The following PTPRD variants were observed in gnomAD, a reference collection of about 807,000 sequenced individuals.
PTPRD encodes the protein protein tyrosine phosphatase receptor type D.
Under a neutral mutation model 214.5 loss-of-function variants are expected in PTPRD, and 34 were observed. The ratio of observed to expected loss-of-function variants is 0.16; its 90% CI spans 0.12 to 0.21. PTPRD has a LOEUF of 0.21. Ranked by LOEUF, PTPRD falls within the 10% of genes least tolerant of loss-of-function variation. The pLI, the probability that PTPRD is intolerant of heterozygous loss-of-function variation, is 1.00. For missense variants in PTPRD, 2,545 were observed against 2,398.7 expected, an observed-to-expected ratio of 1.06 and a Z score of -1.27; for synonymous variants, 1,128 against 845.7, an observed-to-expected ratio of 1.33 and a Z score of -5.79.
chr9:8,505,178 A>G (rs2137297842), intron 22 of PTPRD, among the ~76,000 whole-genome samples: 1 of 152,318 alleles, frequency 6.6e-6, no homozygotes, highest in East Asian at 1.9e-4. Flanking sequence ...TTTGTCATTT[A>G]GCAAAAATAT....
At chr9:8,824,315 T>C (rs1053494740) in intron 11 of PTPRD, among the ~76,000 whole-genome samples, 2 of 152,162 alleles carry the variant, frequency 1.3e-5, no homozygotes, top group African/African-American at 4.8e-5. Context: ...GAACCTTTGA[T>C]CCTAAGGGTT....
intron 39 of PTPRD, among the ~76,000 whole-genome samples, chr9:8,347,782 A>C (rs2074286371): frequency 6.6e-6 from 1 of 152,164 alleles, no homozygotes; most frequent in Non-Finnish European, 1.5e-5. Flanking sequence ...CTATGCATAC[A>C]CAGAGGAAAG....
At chr9:10,534,419 G>A (rs1310864640) in intron 2 of PTPRD, among the ~76,000 whole-genome samples, 1 of 151,902 alleles carries the variant, frequency 6.6e-6, no homozygotes, top group Non-Finnish European at 1.5e-5. Context: ...TGTGACCAAA[G>A]TTTACTTTAA....
intron 7 of PTPRD, among the ~76,000 whole-genome samples, chr9:9,640,857 A>G (rs1055055319): frequency 6.6e-6 from 1 of 152,226 alleles, no homozygotes; most frequent in African/African-American, 2.4e-5. Context: ...ATTGTAAATA[A>G]CGGATACTTA....
At chr9:9,999,810 T>G (rs1010127727) in intron 4 of PTPRD, among the ~76,000 whole-genome samples, 5 of 152,214 alleles carry the variant, frequency 3.3e-5, no homozygotes, top group African/African-American at 1.2e-4. Context: ...GACGGGACTT[T>G]TTACCGAAGG....
intron 6 of PTPRD, among the ~76,000 whole-genome samples, chr9:9,741,507 C>A (rs919357334): frequency 3.3e-5 from 5 of 151,928 alleles, no homozygotes; most frequent in Non-Finnish European, 7.4e-5. Flanking sequence ...GCAGAACTGG[C>A]AGGTTTGTTA....
intron 7 of PTPRD, among the ~76,000 whole-genome samples, chr9:9,591,974 TC>T (rs2092776983): frequency 6.6e-6 from 1 of 152,102 alleles, no homozygotes; most frequent in Non-Finnish European, 1.5e-5. Flanking sequence ...CCACACAGCC[TC>T]TGGCAACCTC....
chr9:10,140,114 TCAGA>T (rs1476789154), intron 3 of PTPRD, among the ~76,000 whole-genome samples: 2 of 151,946 alleles, frequency 1.3e-5, no homozygotes, highest in Admixed American at 6.6e-5. Context: ...CAATCTGTGC[TCAGA>T]CAATCTGTGA....
intron 4 of PTPRD, among the ~76,000 whole-genome samples, chr9:9,967,665 AAC>A (rs1329616184): frequency 1.3e-5 from 2 of 152,188 alleles, no homozygotes; most frequent in Non-Finnish European, 2.9e-5. Context: ...TTAGGATTAA[AAC>A]AGAAAATGAG....
At chr9:9,992,912 C>T (rs1035152981) in intron 4 of PTPRD, among the ~76,000 whole-genome samples, 1 of 151,850 alleles carries the variant, frequency 6.6e-6, no homozygotes, top group Non-Finnish European at 1.5e-5. Flanking sequence ...TACAAACCTG[C>T]ACGTTGTGCA....
At chr9:8,987,375 C>T (rs562856207) in intron 11 of PTPRD, among the ~76,000 whole-genome samples, 4 of 152,116 alleles carry the variant, frequency 2.6e-5, no homozygotes, top group African/African-American at 9.6e-5. Context: ...CAGGAGCATG[C>T]GTTGCAGTAC....
intron 2 of PTPRD, among the ~76,000 whole-genome samples, chr9:10,472,222 G>A (rs2099035618): frequency 6.6e-6 from 1 of 152,062 alleles, no homozygotes; most frequent in Admixed American, 6.6e-5. Flanking sequence ...AGCAATGTTT[G>A]ACTTTAGAAC....
At chr9:10,424,310 CTT>C (rs2098590581) in intron 2 of PTPRD, among the ~76,000 whole-genome samples, 1 of 143,496 alleles carries the variant, frequency 7.0e-6, no homozygotes, top group African/African-American at 2.9e-5. Flanking sequence ...ATATGGTTTC[CTT>C]TTCTCTCTCT....
intron 39 of PTPRD, among the ~76,000 whole-genome samples, chr9:8,360,195 T>C (rs7035353): frequency 0.017 from 2,663 of 152,338 alleles, 87 homozygotes; most frequent in African/African-American, 0.06. Flanking sequence ...TGTCCCGTCA[T>C]AGCCAATAAA....
At chr9:10,234,347 T>C (rs1223141809) in intron 3 of PTPRD, among the ~76,000 whole-genome samples, 2 of 151,974 alleles carry the variant, frequency 1.3e-5, no homozygotes, top group African/African-American at 4.8e-5. Context: ...ACATATTTTG[T>C]AAATTGATGG....
At chr9:9,504,518 ACCATG>A (rs1435432133) in intron 8 of PTPRD, among the ~76,000 whole-genome samples, 1 of 151,714 alleles carries the variant, frequency 6.6e-6, no homozygotes, top group Non-Finnish European at 1.5e-5. Context: ...CACAATACCT[ACCATG>A]TGAAAAGCCT....
chr9:9,680,029 A>G (rs1478676969), intron 7 of PTPRD, among the ~76,000 whole-genome samples: 1 of 151,914 alleles, frequency 6.6e-6, no homozygotes, highest in Non-Finnish European at 1.5e-5. Flanking sequence ...TTTAAAAATA[A>G]TATTTCTCTT....
chr9:9,640,535 G>T (rs7874790), intron 7 of PTPRD, among the ~76,000 whole-genome samples: 150,672 of 152,332 alleles, frequency 0.99, 74,535 homozygotes, highest in Middle Eastern at 1. Context: ...TTTCTGTCAC[G>T]TGGAACAGAA....
chr9:8,833,511 T>A (rs1012334881), intron 11 of PTPRD, among the ~76,000 whole-genome samples: 5 of 149,334 alleles, frequency 3.3e-5, no homozygotes, highest in Non-Finnish European at 5.9e-5. Context: ...ATTCAGGCTG[T>A]AACATAATTT....
Sources: gnomAD v4.1 joint callset for allele counts (sites outside exome capture counted in the v4.1 genomes callset) on GRCh38, gnomAD v4.1.1 for gene constraint, MANE v1.5 for transcripts, NCBI Gene and HGNC (gene_info 2026-07-23, HGNC 2026-07-21) for gene names.